Variants in SAMMSON observed in about 807,000 individuals in gnomAD.
SAMMSON encodes the protein long intergenic non-protein coding RNA 1212.
At chr3:70,259,955 A>G (rs1701850458) in intron 6 of SAMMSON, among the ~76,000 whole-genome samples, 1 of 151,892 alleles carries the variant, frequency 6.6e-6, no homozygotes, top group Non-Finnish European at 1.5e-5. Context: ...CACTTATAAA[A>G]CCATCAGATC....
At chr3:70,262,954 A>G (rs1030323919) in intron 6 of SAMMSON, among the ~76,000 whole-genome samples, 7 of 152,244 alleles carry the variant, frequency 4.6e-5, no homozygotes, top group East Asian at 3.9e-4. Flanking sequence ...TGCTCTTCCT[A>G]TCTGTATTGT....
intron 4 of SAMMSON, among the ~76,000 whole-genome samples, chr3:70,138,518 C>T (rs2067515153): frequency 6.6e-6 from 1 of 152,166 alleles, no homozygotes. Context: ...AGCAAAGGCC[C>T]TACATTTTAA....
intron 4 of SAMMSON, among the ~76,000 whole-genome samples, chr3:70,197,686 C>T (rs1015116655): frequency 2.0e-5 from 3 of 152,138 alleles, no homozygotes; most frequent in Non-Finnish European, 4.4e-5. Flanking sequence ...CCAGTGCAAG[C>T]GAAAAGCACA....
chr3:70,009,836 G>T (rs1041375430), intron 1 of SAMMSON, among the ~76,000 whole-genome samples: 3 of 150,378 alleles, frequency 2.0e-5, no homozygotes, highest in African/African-American at 5.0e-5. Flanking sequence ...CTGGTATGTT[G>T]TGTCTTTGTT....
At chr3:70,151,756 T>C (rs535659790) in intron 4 of SAMMSON, among the ~76,000 whole-genome samples, 37 of 152,076 alleles carry the variant, frequency 2.4e-4, no homozygotes, top group Non-Finnish European at 4.7e-4. Flanking sequence ...GTTTTTCTTT[T>C]TTTTGCATAA....
At chr3:70,344,710 ACCTGCC>A (rs1559568576) in intron 7 of SAMMSON, among the ~76,000 whole-genome samples, 1 of 152,130 alleles carries the variant, frequency 6.6e-6, no homozygotes. Context: ...TGGTTCCTGC[ACCTGCC>A]CATCTGATTG....
At chr3:70,363,730 A>C (rs1257506346) in intron 9 of SAMMSON, among the ~76,000 whole-genome samples, 1 of 151,868 alleles carries the variant, frequency 6.6e-6, no homozygotes, top group South Asian at 2.1e-4. Flanking sequence ...GTCCGTTTCC[A>C]TGACCCTCAT....
intron 4 of SAMMSON, among the ~76,000 whole-genome samples, chr3:70,121,375 A>G (rs2067432431): frequency 6.6e-6 from 1 of 152,138 alleles, no homozygotes; most frequent in Non-Finnish European, 1.5e-5. Context: ...ATAAGCCCTG[A>G]GTAGGAGGAT....
intron 4 of SAMMSON, among the ~76,000 whole-genome samples, chr3:70,178,998 C>T (rs999194326): frequency 6.6e-6 from 1 of 152,036 alleles, no homozygotes; most frequent in Non-Finnish European, 1.5e-5. Context: ...AAGGCCCTGT[C>T]TCAAAATAAT....
intron 6 of SAMMSON, among the ~76,000 whole-genome samples, chr3:70,250,845 T>C (rs1251857421): frequency 6.6e-6 from 1 of 152,178 alleles, no homozygotes; most frequent in Non-Finnish European, 1.5e-5. Context: ...GAAAGCCAGG[T>C]TGAATGGGCA....
intron 4 of SAMMSON, among the ~76,000 whole-genome samples, chr3:70,220,054 C>G (rs1701448517): frequency 6.6e-6 from 1 of 151,898 alleles, no homozygotes; most frequent in South Asian, 2.1e-4. Flanking sequence ...TTTCAAGTAC[C>G]CAGGCAAGGA....
At position 70,045,081 on chromosome 3, in the gene SAMMSON, TA is replaced by T. The variant is rs1253669140; in HGVS notation, n.418-26394del. On this transcript the variant is annotated intron_variant and non_coding_transcript_variant, in intron 3 of 9. Coordinates refer to ENST00000642114, the Ensembl canonical transcript of SAMMSON. ...ATTATAATATATATTATAATTAATATATATAATTAATTATAATATATATTAT... is the reference window on the plus strand; with the variant it reads ...ATTATAATATATATTATAATTAATATTATAATTAATTATAATATATATTAT... 1.1e-4 allele frequency among the ~76,000 whole-genome samples: 9 copies of T among 84,240 alleles called. No individual in the cohort carries two copies. The South Asian group carries it at 1.4e-3, about 13-fold the overall frequency. 55.3% of individuals were successfully genotyped at this position (84,240 alleles called of 152,430 possible). A position where few individuals can be genotyped will look rare whatever the true frequency, so the allele number is the denominator to read the frequency against.
At chr3:70,290,331 A>AGT (rs142041118) in intron 6 of SAMMSON, among the ~76,000 whole-genome samples, 20,056 of 152,172 alleles carry the variant, frequency 0.13, 1,404 homozygotes, top group South Asian at 0.21. Flanking sequence ...GTAAGGTGTC[A>AGT]GTGTGCCCCT....
intron 2 of SAMMSON, among the ~76,000 whole-genome samples, chr3:70,427,569 C>G (rs867243234): frequency 6.6e-6 from 1 of 152,038 alleles, no homozygotes; most frequent in African/African-American, 2.4e-5. Context: ...GAAACCCCGT[C>G]TCTACTAAAA....
chr3:70,115,738 C>T (rs903554967), intron 4 of SAMMSON, among the ~76,000 whole-genome samples: 1 of 151,994 alleles, frequency 6.6e-6, no homozygotes, highest in Non-Finnish European at 1.5e-5. Flanking sequence ...TATTCTTGTC[C>T]CAACCTAGTT....
chr3:70,354,850 G>T (rs1702818164), intron 8 of SAMMSON, among the ~76,000 whole-genome samples: 1 of 152,118 alleles, frequency 6.6e-6, no homozygotes, highest in Non-Finnish European at 1.5e-5. Context: ...ATGCATTGTG[G>T]TCTGATTGCC....
chr3:70,139,426 C>T (rs547593401), intron 4 of SAMMSON, among the ~76,000 whole-genome samples: 5 of 152,266 alleles, frequency 3.3e-5, no homozygotes, highest in South Asian at 2.1e-4. Flanking sequence ...TGGTTGCAGC[C>T]CCATACCCAT....
At chr3:70,304,089 G>A (rs981317192) in intron 7 of SAMMSON, among the ~76,000 whole-genome samples, 1 of 152,196 alleles carries the variant, frequency 6.6e-6, no homozygotes, top group African/African-American at 2.4e-5. Context: ...AATCCCAAAT[G>A]TCAACCAGGG....
At chr3:70,119,734 T>C (rs1011713292) in intron 4 of SAMMSON, among the ~76,000 whole-genome samples, 2 of 152,176 alleles carry the variant, frequency 1.3e-5, no homozygotes, top group African/African-American at 4.8e-5. Flanking sequence ...GTTTTTAATT[T>C]GTGTGTAAAC....
Sources: allele counts gnomAD v4.1 joint callset (sites outside exome capture counted in the v4.1 genomes callset), GRCh38; gene constraint gnomAD v4.1.1; transcripts MANE v1.5; gene names NCBI Gene and HGNC (gene_info 2026-07-23, HGNC 2026-07-21).